The following GLRX variants were observed in gnomAD, a reference collection of about 807,000 sequenced individuals.
The protein encoded by GLRX is glutaredoxin-1.
In GLRX, 9 loss-of-function variants were observed where a neutral mutation model predicts 11.1. The ratio of observed to expected loss-of-function variants is 0.81; its 90% CI spans 0.49 to 1.42. The LOEUF (loss-of-function observed/expected upper bound fraction) is 1.42, where lower values mean the gene tolerates loss of function less well. Ranked by LOEUF, GLRX falls within the 40% of genes most tolerant of loss-of-function variation. The pLI is 0.00. For synonymous variants in GLRX, 49 were observed against 49.5 expected (o/e 0.99, Z 0.04); for missense variants, 102 against 126.2 (o/e 0.81, Z 0.92).
At chr5:95,816,448 C>T (rs969733077) in intron 2 of GLRX, 59 bp downstream of exon 2, 37 of 852,168 alleles carry the variant, frequency 4.3e-5, no homozygotes, top group East Asian at 1.7e-4. Flanking sequence ...TAACAAACCA[C>T]GACAGAAGAA....
At chr5:95,820,234 T>A (rs930569096) in intron 1 of GLRX, among the ~76,000 whole-genome samples, 8 of 150,654 alleles carry the variant, frequency 5.3e-5, no homozygotes, top group African/African-American at 2.0e-4. Context: ...ATGCCTGTAG[T>A]CCCAGCCACG....
intron 1 of GLRX, chr5:95,817,862 C>G (rs1472458324): frequency 6.6e-6 from 1 of 152,066 alleles, no homozygotes; most frequent in Non-Finnish European, 1.5e-5. Flanking sequence ...GGGCTTTCCT[C>G]AGAAAGCATA....
intron 2 of GLRX, among the ~76,000 whole-genome samples, chr5:95,815,447 T>C (rs995211442): frequency 1.3e-5 from 2 of 152,274 alleles, no homozygotes; most frequent in Non-Finnish European, 2.9e-5. Flanking sequence ...TCTGTTGCTA[T>C]GCTGAGTAAC....
In GLRX at chr5:95,822,589, TAC is replaced by T. The variant is rs752634017; in HGVS notation, c.72_73del (p.Tyr25LeufsTer30). ...GAGGATCTCTTGGGCCCTCCTGCAG[TAC>T]GGGCAGGTGGGCTTGATGAACACAA... On this transcript the variant is annotated frameshift_variant, in exon 1 of 3. Transcript: ENST00000237858. LOFTEE classifies it high-confidence loss of function. The T allele has an allele frequency of 6.2e-7, 1 of 1,612,836 alleles. No individual in the cohort carries two copies. The highest frequency in any genetic ancestry group is 1.7e-5 in the Admixed American group (1 of 59,986).
At chr5:95,821,188 G>C (rs914104425) in intron 1 of GLRX, among the ~76,000 whole-genome samples, 3 of 152,170 alleles carry the variant, frequency 2.0e-5, no homozygotes, top group African/African-American at 7.2e-5. Flanking sequence ...TGGGCATAAG[G>C]ATTGTTTTAA....
intron 2 of GLRX, 183 bp downstream of exon 2, chr5:95,816,324 C>A: frequency 1.9e-6 from 1 of 533,202 alleles, no homozygotes; most frequent in South Asian, 2.4e-5. Context: ...GAAAGGATTT[C>A]TCTCATTGAC....
At chr5:95,822,207 T>A in intron 1 of GLRX, 3 of 550,248 alleles carry the variant, frequency 5.5e-6, no homozygotes, top group Non-Finnish European at 9.8e-6. Flanking sequence ...TGGTCCCACT[T>A]ACCCTGCCGC....
At chr5:95,816,938 A>G in intron 1 of GLRX, 1 of 226,474 alleles carries the variant, frequency 4.4e-6, no homozygotes, top group Non-Finnish European at 9.0e-6. Flanking sequence ...CTGCAGTCAG[A>G]CCACCTAGAT....
intron 1 of GLRX, among the ~76,000 whole-genome samples, chr5:95,821,060 A>G (rs992174644): frequency 6.6e-6 from 1 of 152,148 alleles, no homozygotes; most frequent in African/African-American, 2.4e-5. Context: ...CCAAGATTGC[A>G]CCATTGCACT....
chr5:95,820,239 G>A (rs1296406151), intron 1 of GLRX, among the ~76,000 whole-genome samples: 1 of 150,862 alleles, frequency 6.6e-6, no homozygotes, highest in Non-Finnish European at 1.5e-5. Flanking sequence ...TGTAGTCCCA[G>A]CCACGGGAGG....
chr5:95,821,181 G>T (rs1747222082), intron 1 of GLRX, among the ~76,000 whole-genome samples: 1 of 152,300 alleles, frequency 6.6e-6, no homozygotes, highest in African/African-American at 2.4e-5. Context: ...CATAATTTGG[G>T]CATAAGGATT....
At chr5:95,816,230 G>C (rs1276303643) in intron 2 of GLRX, among the ~76,000 whole-genome samples, 2 of 152,100 alleles carry the variant, frequency 1.3e-5, no homozygotes, top group African/African-American at 4.8e-5. Context: ...TAAAATATAA[G>C]TTCCAGGTTA....
chr5:95,819,008 A>T (rs533548109), intron 1 of GLRX: 1 of 152,310 alleles, frequency 6.6e-6, no homozygotes, highest in South Asian at 2.1e-4. Flanking sequence ...ATCTGCTCGA[A>T]TGTTCCCTTC....
chr5:95,817,892 C>T (rs1323060765), intron 1 of GLRX: 2 of 152,012 alleles, frequency 1.3e-5, no homozygotes, highest in East Asian at 3.9e-4. Context: ...GCAAATTGTC[C>T]AAAAAGTGAG....
At chr5:95,814,538 C>G in intron 2 of GLRX, 149 bp from the exon 3 acceptor site, 1 of 152,584 alleles carries the variant, frequency 6.6e-6, no homozygotes, top group Non-Finnish European at 1.5e-5. Flanking sequence ...TCCATAAAGT[C>G]AAGCAGCAAA....
rs1345003829 is a variant in GLRX, at chr5:95,822,575, G to A, written c.88C>T (p.Gln30Ter). The A allele has an allele frequency of 6.2e-7, 1 of 1,613,696 alleles. No homozygotes were observed. Among genetic ancestry groups the A allele is most frequent in the South Asian group, 1.1e-5 (1 of 91,064 alleles). ...ATGGGCAATTGACTGAGGATCTCTTGGGCCCTCCTGCAGTACGGGCAGGTG... is the reference window on the plus strand; with the variant it reads ...ATGGGCAATTGACTGAGGATCTCTTAGGCCCTCCTGCAGTACGGGCAGGTG... The part of the protein sequence containing the change: ...KPTCPYCRRA[Q>*]EILSQLPIKQ... Residue 30 changes from glutamine to a stop codon, truncating the protein, a stop_gained, in exon 1 of 3, where the codon CAA becomes TAA. Transcript: ENST00000237858. LOFTEE classifies it high-confidence loss of function.
intron 1 of GLRX, 64 bp downstream of exon 1, chr5:95,822,392 G>GC: frequency 7.6e-7 from 1 of 1,313,350 alleles, no homozygotes; most frequent in African/African-American, 1.4e-5. Flanking sequence ...CTAAAGAAAG[G>GC]CACAGCTCTG....
chr5:95,816,841 T>C (rs935598229), intron 1 of GLRX: 7 of 431,988 alleles, frequency 1.6e-5, no homozygotes, highest in Non-Finnish European at 3.0e-5. Context: ...TCAAGTTGTG[T>C]GCTATGCATG....
chr5:95,821,102 AAAAC>A (rs549163621), intron 1 of GLRX, among the ~76,000 whole-genome samples: 2,087 of 152,304 alleles, frequency 0.014, 24 homozygotes, highest in Non-Finnish European at 0.024. Flanking sequence ...AAACTGTCTC[AAAAC>A]AAACGAACAA....
Sources: allele counts gnomAD v4.1 joint callset (sites outside exome capture counted in the v4.1 genomes callset), GRCh38; gene constraint gnomAD v4.1.1; transcripts MANE v1.5; gene names NCBI Gene and HGNC (gene_info 2026-07-23, HGNC 2026-07-21).